The following TRAPPC9 variants were observed in gnomAD, a reference collection of about 807,000 sequenced individuals.
The protein encoded by TRAPPC9 is IKK2 binding protein.
A neutral mutation model predicts 124.0 loss-of-function variants in TRAPPC9; 83 were observed. That is an observed-to-expected ratio of 0.67 (90% CI 0.56 to 0.80). The LOEUF (loss-of-function observed/expected upper bound fraction) is 0.80. Ranked by LOEUF, TRAPPC9 falls within the 30% of genes least tolerant of loss-of-function variation. The pLI, the probability that TRAPPC9 is intolerant of heterozygous loss-of-function variation, is 0.00. For missense variants in TRAPPC9, 1,302 were observed against 1,508.3 expected, an observed-to-expected ratio of 0.86 and a Z score of 2.27; for synonymous variants, 638 against 617.5, an observed-to-expected ratio of 1.03 and a Z score of -0.49.
intron 10 of TRAPPC9, among the ~76,000 whole-genome samples, chr8:140,305,760 C>T (rs1004510859): frequency 6.6e-6 from 1 of 152,196 alleles, no homozygotes; most frequent in African/African-American, 2.4e-5. Context: ...TCCCTGAAAC[C>T]TCTATAAGAA....
At chr8:140,123,586 G>A (rs1261999555) in intron 17 of TRAPPC9, among the ~76,000 whole-genome samples, 1 of 152,148 alleles carries the variant, frequency 6.6e-6, no homozygotes, top group Non-Finnish European at 1.5e-5. Flanking sequence ...GCACAGCTGG[G>A]TTCTTCTCAC....
At chr8:140,119,672 TAAG>T (rs1364661500) in intron 17 of TRAPPC9, among the ~76,000 whole-genome samples, 1 of 152,160 alleles carries the variant, frequency 6.6e-6, no homozygotes, top group Admixed American at 6.5e-5. Context: ...AAAACTGAGG[TAAG>T]AAGAGGTCAC....
intron 1 of TRAPPC9, among the ~76,000 whole-genome samples, chr8:140,455,510 A>C (rs528165783): frequency 6.6e-6 from 1 of 151,784 alleles, no homozygotes; most frequent in African/African-American, 2.4e-5. Context: ...GGCTCACTGC[A>C]AACTCCGCCT....
At chr8:140,086,194 G>C (rs943884225) in intron 17 of TRAPPC9, among the ~76,000 whole-genome samples, 1 of 152,162 alleles carries the variant, frequency 6.6e-6, no homozygotes, top group African/African-American at 2.4e-5. Context: ...CACAGGTTTT[G>C]AAATGTGCTA....
intron 17 of TRAPPC9, among the ~76,000 whole-genome samples, chr8:140,065,011 G>A (rs1842836670): frequency 6.6e-6 from 1 of 152,174 alleles, no homozygotes; most frequent in Non-Finnish European, 1.5e-5. Context: ...AATGAGCACA[G>A]ACTTCGCCCA....
At chr8:140,281,176 C>T (rs4236874) in intron 14 of TRAPPC9, among the ~76,000 whole-genome samples, 105,980 of 152,156 alleles carry the variant, frequency 0.7, 37,701 homozygotes, top group Middle Eastern at 0.8. Flanking sequence ...TGTTGGGTCA[C>T]ATGGTAAACT....
intron 7 of TRAPPC9, among the ~76,000 whole-genome samples, chr8:140,392,143 G>T (rs56045412): frequency 0.036 from 5,463 of 152,276 alleles, 212 homozygotes; most frequent in African/African-American, 0.097. Flanking sequence ...AAATACCAAT[G>T]GTGGTATCTA....
At chr8:139,923,735 G>A (rs749024806) in intron 19 of TRAPPC9, among the ~76,000 whole-genome samples, 6 of 152,220 alleles carry the variant, frequency 3.9e-5, no homozygotes, top group Non-Finnish European at 7.3e-5. Context: ...AGCAGGTATT[G>A]AAGAACAGGC....
rs960413395 is a variant in TRAPPC9, at chr8:140,104,698, A to AT, written c.2557-80620dup. On this transcript the variant is annotated intron_variant, in intron 17 of 22. Transcript: ENST00000438773. The surrounding 1 kb of genome is among the most constrained non-coding windows in gnomAD (Gnocchi z 4.0). ...CGACACACACCCTCCTGGGGGTGCCATTCCCCCAGCCCAGGCACCAGGCCC... is the reference window on the plus strand; with the variant it reads ...CGACACACACCCTCCTGGGGGTGCCATTTCCCCCAGCCCAGGCACCAGGCCC... Among the ~76,000 whole-genome samples the AT allele has an allele frequency of 1.3e-5, 2 of 152,106 alleles. No individual in the cohort carries two copies. The highest frequency in any genetic ancestry group is 2.9e-5 in the Non-Finnish European group (2 of 68,008).
chr8:139,832,366 T>C (rs973277595), intron 21 of TRAPPC9, among the ~76,000 whole-genome samples: 23 of 152,354 alleles, frequency 1.5e-4, no homozygotes, highest in African/African-American at 5.3e-4. Context: ...GCAGACAGAA[T>C]GCGCGGGGTG....
chr8:139,737,942 C>G (rs185420924), intron 21 of TRAPPC9, among the ~76,000 whole-genome samples: 6 of 152,280 alleles, frequency 3.9e-5, no homozygotes, highest in Non-Finnish European at 8.8e-5. Flanking sequence ...TCTCCAGGGC[C>G]CTTCCTCTCC....
At chr8:140,119,068 T>A (rs1483232506) in intron 17 of TRAPPC9, among the ~76,000 whole-genome samples, 1 of 152,186 alleles carries the variant, frequency 6.6e-6, no homozygotes, top group Non-Finnish European at 1.5e-5. Context: ...AATGTAAGCA[T>A]CTGCAGGAGA....
chr8:140,302,264 G>A (rs150609131), intron 10 of TRAPPC9, among the ~76,000 whole-genome samples: 5 of 152,214 alleles, frequency 3.3e-5, no homozygotes, highest in South Asian at 2.1e-4. Flanking sequence ...TGCTAACCCC[G>A]CGCCCTCCAG....
intron 21 of TRAPPC9, among the ~76,000 whole-genome samples, chr8:139,737,737 G>A (rs866307770): frequency 6.6e-6 from 1 of 152,192 alleles, no homozygotes; most frequent in Non-Finnish European, 1.5e-5. Context: ...TTGGGTTTGA[G>A]TTACTTCTCT....
intron 21 of TRAPPC9, among the ~76,000 whole-genome samples, chr8:139,752,428 T>C (rs1389349006): frequency 6.8e-6 from 1 of 146,988 alleles, no homozygotes; most frequent in Admixed American, 6.7e-5. Flanking sequence ...CATCCATCCA[T>C]CTAACATCTA....
At chr8:140,098,174 G>A (rs2060490696) in intron 17 of TRAPPC9, 2 of 152,138 alleles carry the variant, frequency 1.3e-5, no homozygotes, top group African/African-American at 2.4e-5. Context: ...TGAGATCAGC[G>A]GGGTAAAGAG....
At position 140,426,606 on chromosome 8, in the gene TRAPPC9, A is replaced by G. The variant is rs775906296; in HGVS notation, c.886+9T>C. The stretch of plus-strand genomic sequence containing the variant: ...TAACCAAAAGAAACTAAACACATAG[A>G]TCATGTACCTGGATCAATGAGAACT... On this transcript the variant is annotated intron_variant, in intron 5 of 22. Coordinates refer to ENST00000438773, the MANE Select transcript of TRAPPC9 (RefSeq NM_001160372.4). 3 of 1,613,594 alleles carry G rather than the reference A, an allele frequency of 1.9e-6. No individual in the cohort carries two copies. Among genetic ancestry groups the G allele is most frequent in the Non-Finnish European group, 2.5e-6 (3 of 1,179,668 alleles).
intron 19 of TRAPPC9, among the ~76,000 whole-genome samples, chr8:139,955,551 G>A (rs1293786891): frequency 6.6e-6 from 1 of 152,144 alleles, no homozygotes; most frequent in Non-Finnish European, 1.5e-5. Flanking sequence ...CTCTAAGACA[G>A]GAAGGGATTT....
At chr8:139,748,165 G>C (rs1444905432) in intron 21 of TRAPPC9, among the ~76,000 whole-genome samples, 3 of 68,344 alleles carry the variant, frequency 4.4e-5, no homozygotes, top group Non-Finnish European at 8.0e-5. Context: ...GGTCAGAGTG[G>C]GTGTGGGGGT....
Sources: gnomAD v4.1 joint callset for allele counts (sites outside exome capture counted in the v4.1 genomes callset) on GRCh38, gnomAD v4.1.1 for gene constraint, Gnocchi (gnomAD v3.1) non-coding constraint, MANE v1.5 for transcripts, NCBI Gene and HGNC (gene_info 2026-07-23, HGNC 2026-07-21) for gene names.